The following WWOX variants were observed in gnomAD, a reference collection of about 807,000 sequenced individuals.
The protein encoded by WWOX is WW domain-containing oxidoreductase.
In WWOX, 69 loss-of-function variants were observed where a neutral mutation model predicts 46.2. That is an observed-to-expected ratio of 1.49 (90% confidence interval 1.23 to 1.82). The LOEUF (loss-of-function observed/expected upper bound fraction) is 1.82, where lower values mean the gene tolerates loss of function less well. Among genes scored for constraint, WWOX ranks in the 40% most tolerant of loss-of-function variants. The pLI is 0.00. For missense variants in WWOX, 919 were observed against 542.6 expected, an observed-to-expected ratio of 1.69 and a Z score of -6.89; for synonymous variants, 359 against 202.6, an observed-to-expected ratio of 1.77 and a Z score of -6.56.
chr16:78,420,651 A>ATGGTTTTTT lies in WWOX; in HGVS notation c.606-4218_606-4217insGGTTTTTTT, dbSNP rs75985674. 1.8e-4 allele frequency among the ~76,000 whole-genome samples: 25 copies of ATGGTTTTTT among 139,150 alleles called. 2 individuals carry two copies. The highest frequency in any genetic ancestry group is 6.8e-4 in the African/African-American group (24 of 35,176). The allele number at this position is 139,150 out of a possible 152,430, so 91.3% of individuals were successfully genotyped here. ...GATAGAGGGTGGCTAGTGATTGCTAATTTTTTTTTTTTTTTTTGAGTTAAA... is the reference window on the plus strand; with the variant it reads ...GATAGAGGGTGGCTAGTGATTGCTAATGGTTTTTTTTTTTTTTTTTTTTTTTGAGTTAAA... On this transcript the variant is annotated intron_variant, in intron 6 of 8. Coordinates refer to ENST00000566780, the MANE Select transcript of WWOX (RefSeq NM_016373.4).
intron 5 of WWOX, among the ~76,000 whole-genome samples, chr16:78,253,499 G>T (rs982433899): frequency 9.2e-5 from 14 of 152,182 alleles, no homozygotes; most frequent in Non-Finnish European, 2.1e-4. Flanking sequence ...GTAAGTGGCA[G>T]AACTGGATGA....
chr16:78,733,947 G>C (rs1488549385), intron 8 of WWOX, among the ~76,000 whole-genome samples: 2 of 151,330 alleles, frequency 1.3e-5, no homozygotes, highest in African/African-American at 2.4e-5. Flanking sequence ...GTGGTCCCAG[G>C]TAGTTGGGAG....
intron 8 of WWOX, among the ~76,000 whole-genome samples, chr16:78,952,645 A>G (rs1000192095): frequency 1.9e-4 from 29 of 151,924 alleles, no homozygotes; most frequent in African/African-American, 6.5e-4. Context: ...CTGCTTCCCA[A>G]AGTGCTGGGT....
At chr16:78,284,964 A>G (rs780467298) in intron 5 of WWOX, among the ~76,000 whole-genome samples, 1 of 152,198 alleles carries the variant, frequency 6.6e-6, no homozygotes, top group Non-Finnish European at 1.5e-5. Flanking sequence ...TCTGCTGTCT[A>G]TTTAGGGAAA....
intron 8 of WWOX, among the ~76,000 whole-genome samples, chr16:78,700,120 C>G (rs961995270): frequency 1.3e-5 from 2 of 151,582 alleles, no homozygotes. Flanking sequence ...ACACTAGTTA[C>G]GTGGACTGTC....
At chr16:78,562,208 C>A (rs1022839366) in intron 8 of WWOX, among the ~76,000 whole-genome samples, 1 of 152,174 alleles carries the variant, frequency 6.6e-6, no homozygotes, top group Non-Finnish European at 1.5e-5. Flanking sequence ...GCCTTTTGGG[C>A]ACAGGAGAAG....
intron 8 of WWOX, among the ~76,000 whole-genome samples, chr16:78,805,887 CTTCT>C (rs2051021238): frequency 6.6e-6 from 1 of 152,176 alleles, no homozygotes; most frequent in South Asian, 2.1e-4. Context: ...CTTGTTGGGT[CTTCT>C]TTCTAGCATG....
At chr16:78,299,438 A>G (rs1005986599) in intron 5 of WWOX, among the ~76,000 whole-genome samples, 1 of 152,130 alleles carries the variant, frequency 6.6e-6, no homozygotes, top group African/African-American at 2.4e-5. Context: ...AATGTGCTGA[A>G]TCAGTTTATG....
At chr16:78,407,228 G>C (rs2082569604) in intron 6 of WWOX, among the ~76,000 whole-genome samples, 1 of 152,178 alleles carries the variant, frequency 6.6e-6, no homozygotes, top group South Asian at 2.1e-4. Context: ...AAGTTTCTTA[G>C]AAGACTGTGG....
intron 8 of WWOX, among the ~76,000 whole-genome samples, chr16:78,951,318 G>A (rs2046055135): frequency 7.6e-6 from 1 of 131,664 alleles, no homozygotes; most frequent in Non-Finnish European, 1.6e-5. Flanking sequence ...ATATTGGTGG[G>A]AGAGAAAGCT....
At chr16:78,708,753 A>G (rs1361460182) in intron 8 of WWOX, among the ~76,000 whole-genome samples, 1 of 152,186 alleles carries the variant, frequency 6.6e-6, no homozygotes, top group African/African-American at 2.4e-5. Context: ...TTAAAAAGAT[A>G]CATGACGTTG....
intron 8 of WWOX, among the ~76,000 whole-genome samples, chr16:78,628,810 C>A (rs1360144092): frequency 6.6e-6 from 1 of 152,190 alleles, no homozygotes; most frequent in African/African-American, 2.4e-5. Context: ...ATGCCGACGA[C>A]TAGCCAGGCG....
intron 8 of WWOX, among the ~76,000 whole-genome samples, chr16:78,436,298 G>T (rs550051147): frequency 6.6e-6 from 1 of 152,172 alleles, no homozygotes; most frequent in African/African-American, 2.4e-5. Flanking sequence ...GAGGTTTACT[G>T]GCCAGGTAGA....
intron 5 of WWOX, among the ~76,000 whole-genome samples, chr16:78,286,322 T>C (rs918384376): frequency 1.3e-5 from 2 of 152,250 alleles, no homozygotes; most frequent in Non-Finnish European, 2.9e-5. Flanking sequence ...ATTTGATTAA[T>C]GTTTTGAAGT....
chr16:78,117,346 C>G (rs76758873), intron 4 of WWOX, among the ~76,000 whole-genome samples: 1 of 152,178 alleles, frequency 6.6e-6, no homozygotes, highest in South Asian at 2.1e-4. Context: ...CTGTCACCTT[C>G]CGCAGGAATG....
In WWOX at chr16:78,801,012, T is replaced by C. The variant is rs1368987701; in HGVS notation, c.1056+368260T>C. Among the ~76,000 whole-genome samples, 3 of 151,812 alleles carry C rather than the reference T, an allele frequency of 2.0e-5. No individual in the cohort carries two copies. In the East Asian group the frequency reaches 5.8e-4, roughly 29 times the overall value. On this transcript the variant is annotated intron_variant, in intron 8 of 8. Coordinates refer to ENST00000566780, the MANE Select transcript of WWOX (RefSeq NM_016373.4). ...CCCATGTAATAGTTTATTTATTTCA[T>C]GCTCCACTTTTCTGGGCAGTTTTGT...
intron 8 of WWOX, among the ~76,000 whole-genome samples, chr16:78,447,819 T>C (rs1164270023): frequency 1.3e-5 from 2 of 152,172 alleles, no homozygotes; most frequent in African/African-American, 4.8e-5. Flanking sequence ...ATTATTATTA[T>C]GTGAGTTGGA....
chr16:78,333,043 CTTTTTTTTTTTTTTTTTT>C (rs11289222), intron 5 of WWOX, among the ~76,000 whole-genome samples: 3 of 57,094 alleles, frequency 5.3e-5, no homozygotes, highest in African/African-American at 1.1e-4. Flanking sequence ...GAGCATTATA[CTTTTTTTTTTTTTTTTTT>C]TTTTTTGAGA....
intron 8 of WWOX, among the ~76,000 whole-genome samples, chr16:78,833,542 T>G (rs2051891299): frequency 1.3e-5 from 2 of 152,184 alleles, no homozygotes; most frequent in African/African-American, 4.8e-5. Flanking sequence ...GGACACTCTT[T>G]TATCATAACC....
Sources: allele counts gnomAD v4.1 joint callset (sites outside exome capture counted in the v4.1 genomes callset), GRCh38; gene constraint gnomAD v4.1.1; transcripts MANE v1.5; gene names NCBI Gene and HGNC (gene_info 2026-07-23, HGNC 2026-07-21).